Variants in FBLN2 observed in about 807,000 individuals in gnomAD.
The protein encoded by FBLN2 is fibulin-2.
A neutral mutation model predicts 123.7 loss-of-function variants in FBLN2; 81 were observed. That is an observed-to-expected ratio of 0.65 (90% confidence interval 0.55 to 0.79). The LOEUF is 0.79. FBLN2 is among the 30% of genes least tolerant of loss of function. FBLN2 has a pLI of 0.00. For synonymous variants in FBLN2, 699 were observed against 701.4 expected (o/e 1.00, Z 0.05); for missense variants, 1,603 against 1,681.3 (o/e 0.95, Z 0.81).
intron 1 of FBLN2, among the ~76,000 whole-genome samples, chr3:13,562,590 C>A (rs757830120): frequency 3.5e-4 from 54 of 152,180 alleles, no homozygotes; most frequent in Admixed American, 9.2e-4. Flanking sequence ...CTCCTGACCT[C>A]ATGATCCACC....
intron 2 of FBLN2, 51 bp from the exon 3 acceptor site, chr3:13,608,011 T>A: frequency 6.9e-7 from 1 of 1,443,246 alleles, no homozygotes; most frequent in Admixed American, 2.0e-5. Context: ...GCATATCTGC[T>A]GGACTTGGTG....
At chr3:13,564,579 G>T (rs1303048026) in intron 1 of FBLN2, among the ~76,000 whole-genome samples, 1 of 152,160 alleles carries the variant, frequency 6.6e-6, no homozygotes, top group East Asian at 1.9e-4. Flanking sequence ...TCTCTGAGAT[G>T]CCTGTGCACA....
chr3:13,575,181 A>G (rs1704095556), intron 2 of FBLN2, among the ~76,000 whole-genome samples: 1 of 152,228 alleles, frequency 6.6e-6, no homozygotes, highest in African/African-American at 2.4e-5. Context: ...CCCATGATGC[A>G]GGGACTTCCC....
At chr3:13,599,256 T>C (rs1189715914) in intron 2 of FBLN2, among the ~76,000 whole-genome samples, 1 of 152,174 alleles carries the variant, frequency 6.6e-6, no homozygotes, top group African/African-American at 2.4e-5. Context: ...GGAGACCCTC[T>C]CTGAGGAGGA....
intron 5 of FBLN2, among the ~76,000 whole-genome samples, chr3:13,614,930 AT>A (rs1446428883): frequency 2.5e-4 from 37 of 148,870 alleles, no homozygotes; most frequent in African/African-American, 8.5e-4. Context: ...CCATCCATCC[AT>A]CCATCCATCC....
intron 2 of FBLN2, among the ~76,000 whole-genome samples, chr3:13,605,083 A>G (rs1488061177): frequency 6.6e-6 from 1 of 152,198 alleles, no homozygotes; most frequent in African/African-American, 2.4e-5. Context: ...TAACGCTGAG[A>G]TGTGGACCCA....
At chr3:13,559,483 C>G (rs1703550858) in intron 1 of FBLN2, among the ~76,000 whole-genome samples, 1 of 152,158 alleles carries the variant, frequency 6.6e-6, no homozygotes, top group Admixed American at 6.5e-5. Flanking sequence ...AAGCTGTTTG[C>G]CCAGTGTTTT....
intron 10 of FBLN2, 85 bp downstream of exon 10, chr3:13,626,664 G>T: frequency 7.2e-7 from 1 of 1,396,168 alleles, no homozygotes; most frequent in Non-Finnish European, 9.6e-7. Context: ...CCCCTGTCCT[G>T]CCCTGGCCAC....
At chr3:13,594,248 C>T (rs564356254) in intron 2 of FBLN2, among the ~76,000 whole-genome samples, 1 of 152,264 alleles carries the variant, frequency 6.6e-6, no homozygotes, top group African/African-American at 2.4e-5. Context: ...GAAACATGGG[C>T]AGAGTTCCGT....
intron 9 of FBLN2, among the ~76,000 whole-genome samples, chr3:13,623,164 C>G (rs1705913252): frequency 6.6e-6 from 1 of 152,232 alleles, no homozygotes; most frequent in African/African-American, 2.4e-5. Flanking sequence ...ACATGCGCCT[C>G]CTGACCCTGC....
chr3:13,609,688 G>GGGGGGGGGCCC, intron 4 of FBLN2, 46 bp downstream of exon 4: 1 of 512,596 alleles, frequency 2.0e-6, no homozygotes, highest in Non-Finnish European at 3.6e-6. Flanking sequence ...GTGGGGCGGG[G>GGGGGGGGGCCC]CGGGAGGCTG....
At chr3:13,625,942 C>T (rs1436128477) in intron 9 of FBLN2, among the ~76,000 whole-genome samples, 2 of 151,832 alleles carry the variant, frequency 1.3e-5, no homozygotes, top group Admixed American at 1.3e-4. Flanking sequence ...AGGGCCTTTA[C>T]ATCCCTGACG....
In FBLN2 at chr3:13,589,995, G is replaced by A. The variant is rs1392046360; in HGVS notation, c.1307-18067G>A. 2.0e-5 allele frequency among the ~76,000 whole-genome samples: 3 copies of A among 152,134 alleles called. No individual in the cohort carries two copies. The South Asian group carries it at 6.2e-4, about 32-fold the overall frequency. ...AAATGTATAGACAGTAAAGCAACAA[G>A]CCTTAATAGAACAGCCCAGCAAGTT... On this transcript the variant is annotated intron_variant, in intron 2 of 17. Transcript: ENST00000404922.
At chr3:13,562,915 A>G (rs1703651414) in intron 1 of FBLN2, among the ~76,000 whole-genome samples, 1 of 152,178 alleles carries the variant, frequency 6.6e-6, no homozygotes. Context: ...TTATTCACCT[A>G]GCACAGCGTC....
At chr3:13,569,776 G>A (rs1221156940) in intron 1 of FBLN2, among the ~76,000 whole-genome samples, 10 of 152,036 alleles carry the variant, frequency 6.6e-5, no homozygotes, top group South Asian at 2.1e-4. Flanking sequence ...GCTGTGGTGC[G>A]TGGCTGGGGA....
chr3:13,597,721 A>G (rs1022385437), intron 2 of FBLN2, among the ~76,000 whole-genome samples: 2 of 152,104 alleles, frequency 1.3e-5, no homozygotes, highest in Non-Finnish European at 2.9e-5. Context: ...TTACCAGGGG[A>G]CAGTGAGTGG....
intron 9 of FBLN2, among the ~76,000 whole-genome samples, chr3:13,624,288 G>A (rs1705950903): frequency 6.6e-6 from 1 of 152,214 alleles, no homozygotes; most frequent in Admixed American, 6.5e-5. Context: ...GCAGAACGAT[G>A]TCCTCTAAAC....
At chr3:13,637,425 G>A in intron 17 of FBLN2, 137 bp from the exon 18 acceptor site, 2 of 731,392 alleles carry the variant, frequency 2.7e-6, no homozygotes, top group Admixed American at 5.8e-5. Flanking sequence ...GGACGTAAGG[G>A]GACTTGCCTG....
chr3:13,567,344 G>A (rs1407431649), intron 1 of FBLN2, among the ~76,000 whole-genome samples: 1 of 152,172 alleles, frequency 6.6e-6, no homozygotes, highest in Non-Finnish European at 1.5e-5. Context: ...GGGAGCTTGG[G>A]TCTCAGTTCA....
Sources: allele counts gnomAD v4.1 joint callset (sites outside exome capture counted in the v4.1 genomes callset), GRCh38; gene constraint gnomAD v4.1.1; transcripts MANE v1.5; gene names NCBI Gene and HGNC (gene_info 2026-07-23, HGNC 2026-07-21).